GNAQ: variants seen among roughly 807,000 people sequenced by gnomAD.
The protein encoded by GNAQ is G protein subunit alpha q, also known as guanine nucleotide-binding protein G(q) subunit alpha.
A neutral mutation model predicts 43.9 loss-of-function variants in GNAQ; 8 were observed. The observed-to-expected ratio is 0.18, with a 90% CI of 0.11 to 0.33. The LOEUF (loss-of-function observed/expected upper bound fraction) is 0.33, where lower values mean the gene tolerates loss of function less well. Among genes scored for constraint, GNAQ ranks in the 10% least tolerant of loss-of-function variants. GNAQ has a pLI of 1.00. For synonymous variants in GNAQ, 155 were observed against 170.7 expected, an observed-to-expected ratio of 0.91 and a Z score of 0.71; for missense variants, 158 against 450.8, an observed-to-expected ratio of 0.35 and a Z score of 5.88.
chr9:77,753,318 G>C (rs1212708143), intron 5 of GNAQ, among the ~76,000 whole-genome samples: 1 of 151,974 alleles, frequency 6.6e-6, no homozygotes, highest in Admixed American at 6.6e-5. Flanking sequence ...CCCACCCCCT[G>C]AAGAAAAAGG....
rs1348425373 is a variant in GNAQ, at chr9:77,883,342, T to C, written c.321+38819A>G. Among the ~76,000 whole-genome samples, 6 of 152,158 alleles carry C rather than the reference T, an allele frequency of 3.9e-5. No homozygotes were observed. The East Asian group carries it at 9.6e-4, about 24-fold the overall frequency. ...GCATCAAAAACATCCAGACACCTCA[T>C]GTACCTTCATTCTCATTGCCTGATT... On this transcript the variant is annotated intron_variant, in intron 2 of 6. Transcript: ENST00000286548.
At chr9:77,722,232 G>A (rs1379725011) in intron 6 of GNAQ, among the ~76,000 whole-genome samples, 1 of 151,916 alleles carries the variant, frequency 6.6e-6, no homozygotes, top group Non-Finnish European at 1.5e-5. Context: ...TGCCTCCCAG[G>A]TTCAAGCGAT....
intron 1 of GNAQ, among the ~76,000 whole-genome samples, chr9:77,922,942 T>C (rs1829018989): frequency 6.6e-6 from 1 of 152,112 alleles, no homozygotes; most frequent in Non-Finnish European, 1.5e-5. Flanking sequence ...AAATCCCATC[T>C]GAGTCTCTTG....
chr9:77,896,593 T>C lies in GNAQ; in HGVS notation c.321+25568A>G, dbSNP rs185109116. Among the ~76,000 whole-genome samples, 5 of 152,344 alleles carry C rather than the reference T, an allele frequency of 3.3e-5. No individual in the cohort carries two copies. The East Asian group carries it at 9.6e-4, about 29-fold the overall frequency. Reference sequence around the variant, plus strand: ...TTCTTGGTATCAAGCCTGGTCCATATTCACATTTCACCAGTTACCTAAAAA... The same window carrying C: ...TTCTTGGTATCAAGCCTGGTCCATACTCACATTTCACCAGTTACCTAAAAA... On this transcript the variant is annotated intron_variant, in intron 2 of 6. Coordinates refer to ENST00000286548, the MANE Select transcript of GNAQ (RefSeq NM_002072.5).
At chr9:77,783,753 C>T (rs1028395163) in intron 5 of GNAQ, among the ~76,000 whole-genome samples, 1 of 152,158 alleles carries the variant, frequency 6.6e-6, no homozygotes, top group Non-Finnish European at 1.5e-5. Context: ...CAGAGCACTT[C>T]TGACTTTAAA....
intron 1 of GNAQ, among the ~76,000 whole-genome samples, chr9:78,018,110 A>G (rs547364909): frequency 1.1e-4 from 16 of 152,180 alleles, no homozygotes; most frequent in Non-Finnish European, 1.6e-4. Flanking sequence ...TTAAAAAGCT[A>G]TCTCCACCAA....
intron 3 of GNAQ, among the ~76,000 whole-genome samples, chr9:77,798,926 TAAC>T (rs1826701370): frequency 6.6e-6 from 1 of 152,200 alleles, no homozygotes; most frequent in Non-Finnish European, 1.5e-5. Flanking sequence ...ATTTGTGTAA[TAAC>T]ACCACAATCA....
In GNAQ at chr9:77,861,162, G is replaced by A. The variant is rs148367041; in HGVS notation, c.322-45392C>T. Among the ~76,000 whole-genome samples the A allele has an allele frequency of 5.2e-3, 799 of 152,300 alleles. 7 individuals carry two copies. Among genetic ancestry groups the A allele is most frequent in the African/African-American group, 0.017 (724 of 41,566 alleles). On this transcript the variant is annotated intron_variant, in intron 2 of 6. Transcript: ENST00000286548. Reference sequence around the variant, plus strand: ...TTACATGGATGGCAGCAGGCAAAGAGAGAGAGCTTGAGCAGGGAAACTCCA... The same window carrying A: ...TTACATGGATGGCAGCAGGCAAAGAAAGAGAGCTTGAGCAGGGAAACTCCA...
At position 77,762,308 on chromosome 9, in the gene GNAQ, G is replaced by GC. The variant is rs1380783503; in HGVS notation, c.735+32154dup. ...GTCCGGGAGGGAGGTGGGGGGGTCAGCCCCCCGCCCGGCCAGCCGCCCCAC... is the reference window on the plus strand; with the variant it reads ...GTCCGGGAGGGAGGTGGGGGGGTCAGCCCCCCCGCCCGGCCAGCCGCCCCAC... On this transcript the variant is annotated intron_variant, in intron 5 of 6. Coordinates refer to ENST00000286548, the MANE Select transcript of GNAQ (RefSeq NM_002072.5). Among the ~76,000 whole-genome samples, 4 of 145,570 alleles carry GC rather than the reference G, an allele frequency of 2.7e-5. 1 individual carries two copies. The highest frequency in any genetic ancestry group is 5.1e-5 in the African/African-American group (2 of 39,244).
intron 5 of GNAQ, among the ~76,000 whole-genome samples, chr9:77,776,049 T>G (rs1416078908): frequency 1.3e-5 from 2 of 152,214 alleles, no homozygotes; most frequent in East Asian, 3.8e-4. Flanking sequence ...ATTGTCAATA[T>G]CAACTTTTTC....
chr9:77,761,860 G>A (rs1826034567), intron 5 of GNAQ, among the ~76,000 whole-genome samples: 1 of 67,740 alleles, frequency 1.5e-5, no homozygotes, highest in Admixed American at 1.5e-4. Context: ...GGGGGGGTCA[G>A]CCCCCCGCCT....
At chr9:77,746,340 G>A (rs1159130990) in intron 5 of GNAQ, among the ~76,000 whole-genome samples, 1 of 152,140 alleles carries the variant, frequency 6.6e-6, no homozygotes, top group Non-Finnish European at 1.5e-5. Flanking sequence ...ATGAACTCCT[G>A]GGGCAGCAGT....
At chr9:77,897,009 ATACT>A (rs1468254012) in intron 2 of GNAQ, among the ~76,000 whole-genome samples, 15 of 152,280 alleles carry the variant, frequency 9.9e-5, no homozygotes, top group Admixed American at 2.0e-4. Flanking sequence ...TATTACAATG[ATACT>A]TAATTATAAA....
At chr9:77,893,709 G>A (rs1447419445) in intron 2 of GNAQ, among the ~76,000 whole-genome samples, 1 of 152,134 alleles carries the variant, frequency 6.6e-6, no homozygotes, top group Non-Finnish European at 1.5e-5. Context: ...GAAAAGCTGG[G>A]TTGTAAGGAA....
In GNAQ at chr9:77,795,706, G is replaced by A. The variant is rs368746137; in HGVS notation, c.606-1114C>T. ...TCAAAGCCAGAATTCTTAGATCTTC[G>A]GAAGTATTAAAATGCTGGCTCTTCC... On this transcript the variant is annotated intron_variant, in intron 4 of 6. Coordinates refer to ENST00000286548, the MANE Select transcript of GNAQ (RefSeq NM_002072.5). Among the ~76,000 whole-genome samples, 7 of 152,210 alleles carry A rather than the reference G, an allele frequency of 4.6e-5. No individual in the cohort carries two copies. The East Asian group carries it at 1.4e-3, about 29-fold the overall frequency.
At chr9:77,985,033 A>T (rs1222524441) in intron 1 of GNAQ, among the ~76,000 whole-genome samples, 1 of 152,190 alleles carries the variant, frequency 6.6e-6, no homozygotes, top group Non-Finnish European at 1.5e-5. Context: ...TTTGTGGGCC[A>T]GGCGCGGTGA....
chr9:78,001,578 T>A (rs943741351), intron 1 of GNAQ, among the ~76,000 whole-genome samples: 1 of 151,106 alleles, frequency 6.6e-6, no homozygotes, highest in Admixed American at 6.6e-5. Context: ...TTTTCATACT[T>A]CTTTGTACTT....
intron 1 of GNAQ, among the ~76,000 whole-genome samples, chr9:78,019,283 C>T (rs1480370816): frequency 6.6e-6 from 1 of 152,122 alleles, no homozygotes; most frequent in Non-Finnish European, 1.5e-5. Context: ...AATTTGTAAT[C>T]GTTTCTAACG....
intron 5 of GNAQ, among the ~76,000 whole-genome samples, chr9:77,777,110 G>T (rs1270594925): frequency 6.6e-6 from 1 of 151,990 alleles, no homozygotes; most frequent in Non-Finnish European, 1.5e-5. Flanking sequence ...TTCAACATGG[G>T]GGCCAAGACA....
Sources: gnomAD v4.1 joint callset for allele counts (sites outside exome capture counted in the v4.1 genomes callset) on GRCh38, gnomAD v4.1.1 for gene constraint, MANE v1.5 for transcripts, NCBI Gene and HGNC (gene_info 2026-07-23, HGNC 2026-07-21) for gene names.